Variants in NELL2 observed in about 807,000 individuals in gnomAD.
NELL2 encodes protein kinase C-binding protein NELL2.
In NELL2, 41 loss-of-function variants were observed where a neutral mutation model predicts 109.6. That is an observed-to-expected ratio of 0.37 (90% CI 0.29 to 0.49). NELL2 has a LOEUF of 0.49. Among genes scored for constraint, NELL2 ranks in the 20% least tolerant of loss-of-function variants. The pLI, the probability that NELL2 is intolerant of heterozygous loss-of-function variation, is 0.98. For synonymous variants in NELL2, 355 were observed against 344.7 expected (o/e 1.03, Z -0.33); for missense variants, 900 against 1,008.3 (o/e 0.89, Z 1.45).
chr12:44,581,304 A>AT lies in NELL2; in HGVS notation c.1663+25864dup, dbSNP rs1235999614. 3.9e-5 allele frequency among the ~76,000 whole-genome samples: 6 copies of AT among 152,102 alleles called. No homozygotes were observed. The South Asian group carries it at 8.3e-4, about 21-fold the overall frequency. On this transcript the variant is annotated intron_variant, in intron 15 of 19. Coordinates refer to ENST00000429094, the MANE Select transcript of NELL2 (RefSeq NM_001145108.2). The stretch of plus-strand genomic sequence containing the variant: ...AGATACTTAATTTAAAAGAAAAAAG[A>AT]TTTTTTTAAAATCTTTTACAATCTA...
intron 1 of NELL2, among the ~76,000 whole-genome samples, chr12:44,892,985 A>G (rs1353333258): frequency 6.6e-6 from 1 of 152,108 alleles, no homozygotes; most frequent in Non-Finnish European, 1.5e-5. Flanking sequence ...CACATACCAA[A>G]GAAACTGTGA....
At chr12:44,794,695 A>C (rs1942557822) in intron 3 of NELL2, among the ~76,000 whole-genome samples, 1 of 152,214 alleles carries the variant, frequency 6.6e-6, no homozygotes, top group African/African-American at 2.4e-5. Context: ...CATTAAAATT[A>C]TGACTACCGG....
chr12:44,917,876 T>C (rs1213175913), upstream of NELL2, among the ~76,000 whole-genome samples: 1 of 152,152 alleles, frequency 6.6e-6, no homozygotes, highest in African/African-American at 2.4e-5. Flanking sequence ...GAGGGCAGCC[T>C]CCAGACAACG....
chr12:44,621,411 T>C (rs187546407), intron 13 of NELL2, among the ~76,000 whole-genome samples: 175 of 152,300 alleles, frequency 1.1e-3, no homozygotes, highest in African/African-American at 3.7e-3. Flanking sequence ...TTACTAGCTA[T>C]GAGGTCTTGG....
chr12:44,526,354 A>T (rs778622026), intron 16 of NELL2, among the ~76,000 whole-genome samples: 7 of 152,218 alleles, frequency 4.6e-5, no homozygotes, highest in Non-Finnish European at 7.3e-5. Context: ...ATAATGATTT[A>T]TTTAATCTTC....
chr12:44,892,991 T>G (rs533488664), intron 1 of NELL2, among the ~76,000 whole-genome samples: 1 of 152,194 alleles, frequency 6.6e-6, no homozygotes, highest in Admixed American at 6.5e-5. Flanking sequence ...CCAAAGAAAC[T>G]GTGATTCACA....
rs549840707 is a variant in NELL2, at chr12:44,597,255, C to T, written c.1663+9914G>A. 2.6e-5 allele frequency among the ~76,000 whole-genome samples: 4 copies of T among 152,226 alleles called. No individual in the cohort carries two copies. The East Asian group carries it at 7.7e-4, about 29-fold the overall frequency. On this transcript the variant is annotated intron_variant, in intron 15 of 19. Transcript: ENST00000429094. The stretch of plus-strand genomic sequence containing the variant: ...ATTTAAGGATAGCTTTTTACAGCAC[C>T]TTTCATTTTTCTTATTTTTTAAAAA...
chr12:44,608,564 C>G (rs1945493010), intron 14 of NELL2, among the ~76,000 whole-genome samples: 1 of 151,950 alleles, frequency 6.6e-6, no homozygotes. Context: ...GTCCTAACTT[C>G]CAGAAGGAAT....
At chr12:44,864,162 T>A (rs1261676992) in intron 2 of NELL2, among the ~76,000 whole-genome samples, 1 of 152,038 alleles carries the variant, frequency 6.6e-6, no homozygotes, top group African/African-American at 2.4e-5. Flanking sequence ...AATAAATATG[T>A]CCAAAACTTC....
intron 9 of NELL2, among the ~76,000 whole-genome samples, chr12:44,746,618 C>A (rs945267057): frequency 2.6e-5 from 4 of 151,998 alleles, no homozygotes; most frequent in African/African-American, 9.7e-5. Context: ...AACAAACAAC[C>A]CCATCAAAAA....
intron 2 of NELL2, among the ~76,000 whole-genome samples, chr12:44,833,362 A>C (rs1053537654): frequency 1.2e-4 from 19 of 152,160 alleles, no homozygotes; most frequent in Non-Finnish European, 2.4e-4. Flanking sequence ...ATGATAGTCC[A>C]CAGCTCTGAT....
chr12:44,634,792 G>A (rs1050658810), intron 13 of NELL2, among the ~76,000 whole-genome samples: 2 of 152,154 alleles, frequency 1.3e-5, no homozygotes, highest in Non-Finnish European at 1.5e-5. Flanking sequence ...CCCACGAACA[G>A]TGTAAAAGCA....
chr12:44,755,219 T>C (rs1243842714), intron 9 of NELL2, among the ~76,000 whole-genome samples: 1 of 152,150 alleles, frequency 6.6e-6, no homozygotes, highest in Non-Finnish European at 1.5e-5. Flanking sequence ...AGCTGCAAAT[T>C]CTTTTACCAC....
chr12:44,712,546 C>T (rs915728697), intron 10 of NELL2, among the ~76,000 whole-genome samples: 1 of 151,926 alleles, frequency 6.6e-6, no homozygotes, highest in Non-Finnish European at 1.5e-5. Flanking sequence ...AACAGGGACT[C>T]GAATTGACAG....
At chr12:44,781,516 G>A (rs1941958861) in intron 3 of NELL2, among the ~76,000 whole-genome samples, 1 of 151,952 alleles carries the variant, frequency 6.6e-6, no homozygotes, top group Non-Finnish European at 1.5e-5. Context: ...TTTGGCAAGA[G>A]ATATAAACTC....
Position 44,831,302 on chromosome 12 carries a change from C to A in NELL2, c.185-15166G>T, listed in dbSNP as rs552288171. On this transcript the variant is annotated intron_variant, in intron 2 of 19. Coordinates refer to ENST00000429094, the MANE Select transcript of NELL2 (RefSeq NM_001145108.2). ...GCTTGTGTCTTTCCCATTTCACGAA[C>A]AGATTACTCCCTAAGTGACCATTCC... Among the ~76,000 whole-genome samples, 3 of 152,242 alleles carry A rather than the reference C, an allele frequency of 2.0e-5. No individual in the cohort carries two copies. The South Asian group carries it at 6.2e-4, about 32-fold the overall frequency.
chr12:44,716,576 A>T (rs1030020928), intron 9 of NELL2, among the ~76,000 whole-genome samples: 1 of 152,080 alleles, frequency 6.6e-6, no homozygotes, highest in Non-Finnish European at 1.5e-5. Context: ...TTTTGTTTTT[A>T]TGAAACTCAG....
intron 11 of NELL2, among the ~76,000 whole-genome samples, chr12:44,707,156 G>T (rs1456851707): frequency 6.6e-6 from 1 of 152,076 alleles, no homozygotes; most frequent in African/African-American, 2.4e-5. Flanking sequence ...ATAAGAAAAT[G>T]GACTCTACTC....
chr12:44,695,475 T>C (rs1949035878), intron 12 of NELL2, among the ~76,000 whole-genome samples: 1 of 152,096 alleles, frequency 6.6e-6, no homozygotes, highest in Non-Finnish European at 1.5e-5. Flanking sequence ...AGTGGGATGG[T>C]CACTTGAGCC....
Sources: gnomAD v4.1 joint callset for allele counts (sites outside exome capture counted in the v4.1 genomes callset) on GRCh38, gnomAD v4.1.1 for gene constraint, MANE v1.5 for transcripts, NCBI Gene and HGNC (gene_info 2026-07-23, HGNC 2026-07-21) for gene names.